PLCB1: variants seen among roughly 807,000 people sequenced by gnomAD.
PLCB1 encodes the protein 1-phosphatidylinositol 4,5-bisphosphate phosphodiesterase beta-1.
In PLCB1, 46 loss-of-function variants were observed where a neutral mutation model predicts 161.8. The observed-to-expected ratio is 0.28, with a 90% CI of 0.22 to 0.36. The LOEUF (loss-of-function observed/expected upper bound fraction) is 0.36, where lower values mean the gene tolerates loss of function less well. Among genes scored for constraint, PLCB1 ranks in the 10% least tolerant of loss-of-function variants. PLCB1 has a pLI of 1.00. For synonymous variants in PLCB1, 517 were observed against 503.7 expected (o/e 1.03, Z -0.35); for missense variants, 1,016 against 1,472.5 (o/e 0.69, Z 5.07).
chr20:8,606,647 G>T (rs1211031369), intron 3 of PLCB1, among the ~76,000 whole-genome samples: 1 of 152,162 alleles, frequency 6.6e-6, no homozygotes, highest in Non-Finnish European at 1.5e-5. Flanking sequence ...GATGGCCTAT[G>T]TTGTCTGTGC....
At chr20:8,600,265 C>A (rs1600182187) in intron 3 of PLCB1, among the ~76,000 whole-genome samples, 1 of 120,744 alleles carries the variant, frequency 8.3e-6, no homozygotes, top group Admixed American at 8.0e-5. Flanking sequence ...TGGTGATGTA[C>A]AGATGGGTTT....
chr20:8,847,185 TCAGA>T (rs1416233303), intron 31 of PLCB1, among the ~76,000 whole-genome samples: 1 of 150,170 alleles, frequency 6.7e-6, no homozygotes, highest in African/African-American at 2.4e-5. Flanking sequence ...CACACCATCC[TCAGA>T]CATTCTGATT....
intron 2 of PLCB1, among the ~76,000 whole-genome samples, chr20:8,316,829 A>C (rs1984680427): frequency 6.6e-6 from 1 of 152,124 alleles, no homozygotes; most frequent in Non-Finnish European, 1.5e-5. Flanking sequence ...ACAGATCCCC[A>C]GTCCCTTTTG....
chr20:8,638,867 A>C (rs1419856195), intron 4 of PLCB1, among the ~76,000 whole-genome samples: 1 of 107,498 alleles, frequency 9.3e-6, no homozygotes, highest in Non-Finnish European at 1.9e-5. Context: ...AGACTTGTCC[A>C]ACATGATTCT....
intron 3 of PLCB1, among the ~76,000 whole-genome samples, chr20:8,496,919 C>G (rs1983202247): frequency 6.6e-6 from 1 of 152,148 alleles, no homozygotes; most frequent in South Asian, 2.1e-4. Context: ...CCTCACTTTA[C>G]AGGTGGAGGA....
chr20:8,738,769 T>C (rs1395156623), intron 20 of PLCB1, among the ~76,000 whole-genome samples: 2 of 152,208 alleles, frequency 1.3e-5, no homozygotes, highest in Non-Finnish European at 2.9e-5. Context: ...TGGCAACCCA[T>C]GTCTTCTCCT....
chr20:8,196,514 G>A lies in PLCB1; in HGVS notation c.177+46143G>A, dbSNP rs187018881. Among the ~76,000 whole-genome samples, 494 of 151,980 alleles carry A rather than the reference G, an allele frequency of 3.3e-3. 4 individuals are homozygous for A. The highest frequency in any genetic ancestry group is 0.011 in the African/African-American group (462 of 41,478). On this transcript the variant is annotated intron_variant, in intron 2 of 31. Coordinates refer to ENST00000338037, the MANE Select transcript of PLCB1 (RefSeq NM_015192.4). ...AGCTCAACATCTGATTATTGTAGGT[G>A]TTCTTACTAGCTGGGTTAGGAAAAG...
At chr20:8,844,684 G>A (rs1342295488) in intron 31 of PLCB1, among the ~76,000 whole-genome samples, 1 of 152,216 alleles carries the variant, frequency 6.6e-6, no homozygotes, top group East Asian at 1.9e-4. Flanking sequence ...TGTGGTGCCA[G>A]TGTCAATAGG....
intron 3 of PLCB1, among the ~76,000 whole-genome samples, chr20:8,439,628 G>A (rs1236288496): frequency 6.6e-6 from 1 of 152,158 alleles, no homozygotes; most frequent in East Asian, 1.9e-4. Flanking sequence ...TAGATATTTA[G>A]ATAGATTATA....
intron 26 of PLCB1, among the ~76,000 whole-genome samples, chr20:8,772,055 T>G (rs1297720280): frequency 1.3e-5 from 2 of 150,236 alleles, no homozygotes; most frequent in Admixed American, 1.3e-4. Context: ...AATTTTTTTT[T>G]TTTTTTTTTT....
rs138116956 is a variant in PLCB1, at chr20:8,715,947, T to G, written c.1251-317T>G. 1,361 of 280,866 alleles carry G rather than the reference T, an allele frequency of 4.8e-3. 18 individuals are homozygous for G. Among genetic ancestry groups the G allele is most frequent in the African/African-American group, 0.025 (1,152 of 46,668 alleles). 17.4% of individuals were successfully genotyped at this position (280,866 alleles called of 1,614,324 possible). A position where few individuals can be genotyped will look rare whatever the true frequency, so the allele number is the denominator to read the frequency against. On this transcript the variant is annotated intron_variant, in intron 12 of 31. Transcript: ENST00000338037. Reference sequence around the variant, plus strand: ...TGCAATTGACTTGGAATCAGCGAGTTAAACAAAAGGGACTGAGCCTCTAAC... The same window carrying G: ...TGCAATTGACTTGGAATCAGCGAGTGAAACAAAAGGGACTGAGCCTCTAAC...
At chr20:8,197,699 A>G (rs1182676507) in intron 2 of PLCB1, among the ~76,000 whole-genome samples, 1 of 152,112 alleles carries the variant, frequency 6.6e-6, no homozygotes, top group Non-Finnish European at 1.5e-5. Flanking sequence ...TTTTGTTGCC[A>G]TTGCTTTTGG....
intron 31 of PLCB1, among the ~76,000 whole-genome samples, chr20:8,817,353 G>A (rs989005879): frequency 6.6e-6 from 1 of 152,046 alleles, no homozygotes; most frequent in African/African-American, 2.4e-5. Flanking sequence ...GGTAGAACTT[G>A]GTATTGAAAC....
chr20:8,838,553 T>C (rs11697064), intron 31 of PLCB1, among the ~76,000 whole-genome samples: 48,596 of 151,988 alleles, frequency 0.32, 8,728 homozygotes, highest in East Asian at 0.63. Flanking sequence ...AGAACTGCTA[T>C]ATTGGTTCTT....
Position 8,881,864 on chromosome 20 carries a change from C to T in PLCB1, c.*15C>T, listed in dbSNP as rs1454541058. 1 of 1,570,236 alleles carries T rather than the reference C, an allele frequency of 6.4e-7. No homozygotes were observed. The highest frequency in any genetic ancestry group is 1.7e-5 in the Admixed American group (1 of 59,862). On this transcript the variant is annotated 3_prime_UTR_variant, in exon 32 of 32. Transcript: ENST00000338037. ...CTCCTCTGTGAATGCTCCTGCCAGG[C>T]CTTCAGAAATTGCATGGCCACTCCA...
intron 3 of PLCB1, among the ~76,000 whole-genome samples, chr20:8,568,661 ATT>A (rs11326941): frequency 3.3e-5 from 5 of 149,876 alleles, no homozygotes; most frequent in South Asian, 4.2e-4. Flanking sequence ...TTTATTTTGA[ATT>A]TTTTTTTTTC....
intron 2 of PLCB1, among the ~76,000 whole-genome samples, chr20:8,193,497 A>T (rs1387417145): frequency 6.6e-6 from 1 of 152,026 alleles, no homozygotes; most frequent in Non-Finnish European, 1.5e-5. Flanking sequence ...GAAGGCAAGA[A>T]TAATCACATT....
rs555029692 is a variant in PLCB1 at position 8,420,639 on chromosome 20, G to A, written c.246+49189G>A. On this transcript the variant is annotated intron_variant, in intron 3 of 31. Coordinates refer to ENST00000338037, the MANE Select transcript of PLCB1 (RefSeq NM_015192.4). ...GAGAACACGTAGTGTTTAGTTTTCT[G>A]TGAAACCATAAATATTAAATGTAAG... Among the ~76,000 whole-genome samples, 7 of 152,288 alleles carry A rather than the reference G, an allele frequency of 4.6e-5. No individual in the cohort carries two copies. In the East Asian group the frequency reaches 1.3e-3, roughly 29 times the overall value.
At chr20:8,709,049 A>G (rs758030201) in intron 12 of PLCB1, among the ~76,000 whole-genome samples, 3 of 152,176 alleles carry the variant, frequency 2.0e-5, no homozygotes, top group Non-Finnish European at 4.4e-5. Flanking sequence ...TCTCTGTTAT[A>G]GATTTGGGGT....
Sources: allele counts gnomAD v4.1 joint callset (sites outside exome capture counted in the v4.1 genomes callset), GRCh38; gene constraint gnomAD v4.1.1; transcripts MANE v1.5; gene names NCBI Gene and HGNC (gene_info 2026-07-23, HGNC 2026-07-21).